Variants in GRID1 observed in about 807,000 individuals in gnomAD.
The protein encoded by GRID1 is glutamate ionotropic receptor delta type subunit 1, also known as glutamate receptor ionotropic, delta-1.
GRID1 carries 28 observed loss-of-function variants against 98.0 expected under a neutral mutation model. That is an observed-to-expected ratio of 0.29 (90% CI 0.21 to 0.39). GRID1 has a LOEUF of 0.39. GRID1 is among the 10% of genes least tolerant of loss of function. The pLI, the probability that GRID1 is intolerant of heterozygous loss-of-function variation, is 1.00. For missense variants in GRID1, 1,111 were observed against 1,340.5 expected (o/e 0.83, Z 2.67); for synonymous variants, 553 against 538.5 (o/e 1.03, Z -0.37).
At chr10:86,337,247 C>T (rs899641140) in intron 2 of GRID1, among the ~76,000 whole-genome samples, 5 of 152,274 alleles carry the variant, frequency 3.3e-5, no homozygotes, top group Non-Finnish European at 1.5e-5. Flanking sequence ...GGAGGCCCCC[C>T]ACGAGCCCAC....
At chr10:85,639,575 G>A (rs991392646) in intron 13 of GRID1, among the ~76,000 whole-genome samples, 7 of 152,188 alleles carry the variant, frequency 4.6e-5, no homozygotes, top group African/African-American at 2.4e-5. Context: ...ACTAAAGGCT[G>A]TTGCCTTTTT....
intron 2 of GRID1, among the ~76,000 whole-genome samples, chr10:86,208,469 C>A (rs1443829235): frequency 6.6e-6 from 1 of 152,100 alleles, no homozygotes; most frequent in South Asian, 2.1e-4. Flanking sequence ...CTTGCAAGCT[C>A]CCATACCTGC....
chr10:85,725,901 A>G (rs1317588407), intron 10 of GRID1, among the ~76,000 whole-genome samples: 2 of 152,244 alleles, frequency 1.3e-5, no homozygotes, highest in Non-Finnish European at 2.9e-5. Flanking sequence ...TCTCTTCTAA[A>G]AACTCTAGCA....
At chr10:85,692,436 T>G (rs1841343452) in intron 12 of GRID1, among the ~76,000 whole-genome samples, 1 of 151,644 alleles carries the variant, frequency 6.6e-6, no homozygotes, top group Non-Finnish European at 1.5e-5. Context: ...CTGAGGTGGG[T>G]GGATTGCGTG....
chr10:85,693,972 A>G (rs1841361372), intron 12 of GRID1, among the ~76,000 whole-genome samples: 1 of 152,230 alleles, frequency 6.6e-6, no homozygotes, highest in Non-Finnish European at 1.5e-5. Flanking sequence ...GAAGTAGTCA[A>G]CATTGTGAAC....
At chr10:86,309,421 T>C (rs11201975) in intron 2 of GRID1, among the ~76,000 whole-genome samples, 8,260 of 152,180 alleles carry the variant, frequency 0.054, 408 homozygotes, top group African/African-American at 0.13. Context: ...TGCAGGGAGT[T>C]AAATGGTGGG....
chr10:86,089,093 G>A (rs1208153982), intron 4 of GRID1, among the ~76,000 whole-genome samples: 1 of 152,156 alleles, frequency 6.6e-6, no homozygotes, highest in African/African-American at 2.4e-5. Flanking sequence ...ATCTTCACCA[G>A]GCTGAAATGA....
intron 8 of GRID1, among the ~76,000 whole-genome samples, chr10:85,844,502 C>A (rs1243457729): frequency 2.7e-5 from 4 of 150,050 alleles, no homozygotes; most frequent in Admixed American, 6.7e-5. Context: ...TGAATGAGAT[C>A]CATAGCTTGT....
intron 8 of GRID1, among the ~76,000 whole-genome samples, chr10:85,821,509 TTC>T (rs1842770461): frequency 1.5e-5 from 1 of 68,354 alleles, no homozygotes; most frequent in Non-Finnish European, 2.7e-5. Flanking sequence ...AGAGCAAGAC[TTC>T]ATCTCAAAAA....
In GRID1 at chr10:86,077,017, G is replaced by A. The variant is rs556241922; in HGVS notation, c.726+61802C>T. On this transcript the variant is annotated intron_variant, in intron 4 of 15. Coordinates refer to ENST00000327946, the MANE Select transcript of GRID1 (RefSeq NM_017551.3). ...CCTATTTCCAGATAAGGCCAAATTCGCAGGTACTGGAGTTAGAACTCTGGC... is the reference window on the plus strand; with the variant it reads ...CCTATTTCCAGATAAGGCCAAATTCACAGGTACTGGAGTTAGAACTCTGGC... Among the ~76,000 whole-genome samples, 24 of 136,426 alleles carry A rather than the reference G, an allele frequency of 1.8e-4. No homozygotes were observed. In the South Asian group the frequency reaches 5.0e-3, roughly 28 times the overall value. The allele number at this position is 136,426 out of a possible 152,430, so 89.5% of individuals were successfully genotyped here. A position where few individuals can be genotyped will look rare whatever the true frequency, so the allele number is the denominator to read the frequency against.
At chr10:85,662,359 G>C (rs1432664708) in intron 12 of GRID1, among the ~76,000 whole-genome samples, 1 of 152,170 alleles carries the variant, frequency 6.6e-6, no homozygotes, top group Non-Finnish European at 1.5e-5. Flanking sequence ...AGGACCAGAG[G>C]GTGCTTGGCT....
intron 4 of GRID1, among the ~76,000 whole-genome samples, chr10:86,043,642 T>A (rs1401288828): frequency 6.6e-6 from 1 of 152,212 alleles, no homozygotes; most frequent in Non-Finnish European, 1.5e-5. Flanking sequence ...CTCTGGCAAA[T>A]TCACAGCTCA....
chr10:85,826,733 T>C (rs60555673), intron 8 of GRID1, among the ~76,000 whole-genome samples: 4 of 152,212 alleles, frequency 2.6e-5, no homozygotes, highest in East Asian at 3.9e-4. Flanking sequence ...CATCAGATCA[T>C]TGGGCCAACA....
chr10:85,834,080 A>G (rs1842892449), intron 8 of GRID1, among the ~76,000 whole-genome samples: 1 of 152,218 alleles, frequency 6.6e-6, no homozygotes, highest in Non-Finnish European at 1.5e-5. Context: ...ATTCAAATAA[A>G]TAATGATTAG....
At chr10:86,226,437 T>G (rs1417675365) in intron 2 of GRID1, among the ~76,000 whole-genome samples, 1 of 18,544 alleles carries the variant, frequency 5.4e-5, no homozygotes, top group South Asian at 3.4e-3. Context: ...CAGCATACCC[T>G]CCCACCCCAG....
In GRID1 at chr10:86,293,245, G is replaced by A. The variant is rs1269525845; in HGVS notation, c.235+70696C>T. 2.0e-5 allele frequency among the ~76,000 whole-genome samples: 3 copies of A among 152,254 alleles called. No homozygotes were observed. The East Asian group carries it at 5.8e-4, about 29-fold the overall frequency. ...CTGTGGCCCATGCAGGGCTGCCATG[G>A]CTGGGGGGCTACACACTCCAATGCC... On this transcript the variant is annotated intron_variant, in intron 2 of 15. Transcript: ENST00000327946.
In GRID1 at chr10:86,132,841, T is replaced by C. The variant is rs373702371; in HGVS notation, c.726+5978A>G. On this transcript the variant is annotated intron_variant, in intron 4 of 15. Transcript: ENST00000327946. ...GGCTGGGCTTCTATGAAGGATCAAA[T>C]TGACCTCCAGGCACACTCCATGCCT... 1.1e-3 allele frequency among the ~76,000 whole-genome samples: 175 copies of C among 152,336 alleles called. 2 individuals carry two copies. The highest frequency in any genetic ancestry group is 4.0e-3 in the African/African-American group (167 of 41,568).
chr10:86,136,528 A>T (rs1281174577), intron 4 of GRID1, among the ~76,000 whole-genome samples: 1 of 152,218 alleles, frequency 6.6e-6, no homozygotes, highest in Non-Finnish European at 1.5e-5. Flanking sequence ...ACCTTAAGTA[A>T]GTCATTTAAC....
rs76673811 is a variant in GRID1 at position 86,065,380 on chromosome 10, C to A, written c.726+73439G>T. On this transcript the variant is annotated intron_variant, in intron 4 of 15. Coordinates refer to ENST00000327946, the MANE Select transcript of GRID1 (RefSeq NM_017551.3). ...CTGCTGCAGCTCTGTGGACTCTGGT[C>A]CAAGCAGCAAGGCCAATCTGTGCCC... Among the ~76,000 whole-genome samples the A allele has an allele frequency of 2.4e-4, 36 of 152,332 alleles. 1 individual carries two copies. The East Asian group carries it at 6.9e-3, about 29-fold the overall frequency.
Sources: gnomAD v4.1 joint callset for allele counts (sites outside exome capture counted in the v4.1 genomes callset) on GRCh38, gnomAD v4.1.1 for gene constraint, MANE v1.5 for transcripts, NCBI Gene and HGNC (gene_info 2026-07-23, HGNC 2026-07-21) for gene names.